Variants in PTPN14 observed in about 807,000 individuals in gnomAD.
PTPN14 encodes protein tyrosine phosphatase non-receptor type 14, also known as tyrosine-protein phosphatase non-receptor type 14.
Under a neutral mutation model 126.8 loss-of-function variants are expected in PTPN14, and 53 were observed. The observed-to-expected ratio is 0.42, with a 90% confidence interval of 0.34 to 0.53. The LOEUF (loss-of-function observed/expected upper bound fraction) is 0.53, where lower values mean the gene tolerates loss of function less well. Among genes scored for constraint, PTPN14 ranks in the 20% least tolerant of loss-of-function variants. The pLI is 0.08. For synonymous variants in PTPN14, 630 were observed against 599.3 expected (o/e 1.05, Z -0.75); for missense variants, 1,257 against 1,552.9 (o/e 0.81, Z 3.20).
intron 1 of PTPN14, among the ~76,000 whole-genome samples, chr1:214,498,732 C>T (rs1654607998): frequency 6.6e-6 from 1 of 152,128 alleles, no homozygotes; most frequent in Admixed American, 6.5e-5. Flanking sequence ...ATTTCCATGG[C>T]AAACAATTTG....
intron 3 of PTPN14, among the ~76,000 whole-genome samples, chr1:214,442,533 A>G (rs1242573520): frequency 6.6e-6 from 1 of 152,202 alleles, no homozygotes; most frequent in Non-Finnish European, 1.5e-5. Flanking sequence ...ACTCCTTTTG[A>G]AATACGAATA....
At chr1:214,429,781 G>A (rs985872954) in intron 3 of PTPN14, among the ~76,000 whole-genome samples, 1 of 152,090 alleles carries the variant, frequency 6.6e-6, no homozygotes, top group African/African-American at 2.4e-5. Flanking sequence ...TTCATGCTAA[G>A]GATCAATATA....
At chr1:214,547,456 T>C (rs576942170) in intron 1 of PTPN14, among the ~76,000 whole-genome samples, 1 of 152,346 alleles carries the variant, frequency 6.6e-6, no homozygotes, top group Admixed American at 6.5e-5. Context: ...CGCTTTGAGG[T>C]TGATACGAAG....
chr1:214,487,751 T>G (rs754659977), intron 1 of PTPN14, among the ~76,000 whole-genome samples: 8 of 152,198 alleles, frequency 5.3e-5, no homozygotes, highest in Non-Finnish European at 1.0e-4. Flanking sequence ...TGTTGAGAGC[T>G]AACATGTTAA....
At position 214,377,444 on chromosome 1, in the gene PTPN14, G is replaced by A. The variant is rs865804401; in HGVS notation, c.2688+515C>T. On this transcript the variant is annotated intron_variant, in intron 14 of 18. Transcript: ENST00000366956. Reference sequence around the variant, plus strand: ...GGGGTACTGGGCTTAATACCTGGGTGATGAAATAATACGTACAACAAACCC... The same window carrying A: ...GGGGTACTGGGCTTAATACCTGGGTAATGAAATAATACGTACAACAAACCC... Among the ~76,000 whole-genome samples the A allele has an allele frequency of 4.6e-5, 7 of 152,148 alleles. No homozygotes were observed. The East Asian group carries it at 9.7e-4, about 21-fold the overall frequency.
At chr1:214,464,058 G>C (rs1170619365) in intron 2 of PTPN14, among the ~76,000 whole-genome samples, 1 of 152,088 alleles carries the variant, frequency 6.6e-6, no homozygotes, top group South Asian at 2.1e-4. Context: ...TCTCACAGAC[G>C]GCGTGAAGGC....
At chr1:214,481,511 C>CAAAAAAAA (rs371949252) in intron 1 of PTPN14, among the ~76,000 whole-genome samples, 8 of 67,442 alleles carry the variant, frequency 1.2e-4, no homozygotes, top group East Asian at 4.2e-4. Context: ...AACTCCCGCT[C>CAAAAAAAA]AAAAAAAAAA....
chr1:214,479,422 C>T (rs1467797314), intron 1 of PTPN14, among the ~76,000 whole-genome samples: 2 of 151,652 alleles, frequency 1.3e-5, no homozygotes, highest in African/African-American at 2.4e-5. Context: ...TCACTGCAAC[C>T]TCTGCCTCCC....
intron 1 of PTPN14, among the ~76,000 whole-genome samples, chr1:214,500,328 C>A (rs376597176): frequency 6.6e-6 from 1 of 152,048 alleles, no homozygotes; most frequent in Non-Finnish European, 1.5e-5. Context: ...AGATCTACCC[C>A]CTTCCCTTCC....
chr1:214,473,080 A>C (rs1660796493), intron 1 of PTPN14, among the ~76,000 whole-genome samples: 1 of 152,238 alleles, frequency 6.6e-6, no homozygotes, highest in African/African-American at 2.4e-5. Flanking sequence ...TAAGCTCTAA[A>C]GTGTAAGTTT....
At chr1:214,359,184 G>A (rs1400438385) in intron 18 of PTPN14, among the ~76,000 whole-genome samples, 1 of 151,746 alleles carries the variant, frequency 6.6e-6, no homozygotes, top group Non-Finnish European at 1.5e-5. Flanking sequence ...GTCCTACTTG[G>A]AGTAAAAGCC....
intron 17 of PTPN14, among the ~76,000 whole-genome samples, chr1:214,366,001 C>G (rs1389821396): frequency 6.6e-6 from 1 of 152,096 alleles, no homozygotes; most frequent in East Asian, 1.9e-4. Context: ...CCTGTCTCTA[C>G]TAAAAATACA....
At chr1:214,393,070 C>A (rs986055586) in intron 10 of PTPN14, among the ~76,000 whole-genome samples, 2 of 152,180 alleles carry the variant, frequency 1.3e-5, no homozygotes, top group African/African-American at 4.8e-5. Flanking sequence ...AGCCCCAGCA[C>A]GCTCCATCTG....
chr1:214,361,095 G>T (rs1177531335), intron 18 of PTPN14, among the ~76,000 whole-genome samples: 1 of 152,148 alleles, frequency 6.6e-6, no homozygotes, highest in East Asian at 1.9e-4. Flanking sequence ...AGAATTATGA[G>T]TCAACTAAAC....
chr1:214,450,940 C>T (rs1189786320), intron 3 of PTPN14, among the ~76,000 whole-genome samples: 4 of 152,156 alleles, frequency 2.6e-5, no homozygotes, highest in Non-Finnish European at 4.4e-5. Context: ...AGCTGCAATA[C>T]CTTGTTCTCC....
intron 1 of PTPN14, among the ~76,000 whole-genome samples, chr1:214,543,824 T>C (rs980320489): frequency 6.6e-6 from 1 of 152,162 alleles, no homozygotes; most frequent in Non-Finnish European, 1.5e-5. Context: ...TATTACTATG[T>C]TGGCCAGGAT....
At chr1:214,526,561 T>C (rs1352067055) in intron 1 of PTPN14, among the ~76,000 whole-genome samples, 2 of 150,922 alleles carry the variant, frequency 1.3e-5, no homozygotes, top group Non-Finnish European at 2.9e-5. Flanking sequence ...GAGAGGTAGC[T>C]CTGGTAGAAA....
At position 214,384,586 on chromosome 1, in the gene PTPN14, G is replaced by T. The variant is rs374772330; in HGVS notation, c.1269C>A (p.Ala423=). The T allele has an allele frequency of 2.5e-5, 40 of 1,614,056 alleles. No homozygotes were observed. The highest frequency in any genetic ancestry group is 3.3e-5 in the Non-Finnish European group (39 of 1,180,012). ...LSIPGSDIMR[A]DYIPSHRHSA... ...TGTGCCGGTGGCTCGGGATGTAGTC[G>T]GCCCGCATGATGTCACTCCCAGGGA... The change falls in exon 13 of 19, where the codon GCC becomes GCA. Residue 423 remains alanine (A), a synonymous_variant. Coordinates refer to ENST00000366956, the MANE Select transcript of PTPN14 (RefSeq NM_005401.5). The surrounding 1 kb of genome is among the most constrained non-coding windows in gnomAD (Gnocchi z 5.3).
chr1:214,462,568 T>C (rs181172119), intron 2 of PTPN14, among the ~76,000 whole-genome samples: 394 of 152,314 alleles, frequency 2.6e-3, no homozygotes, highest in Non-Finnish European at 4.5e-3. Flanking sequence ...GAAGGCTATG[T>C]TCATCTTCCA....
Sources: allele counts gnomAD v4.1 joint callset (sites outside exome capture counted in the v4.1 genomes callset), GRCh38; gene constraint gnomAD v4.1.1; non-coding constraint Gnocchi (gnomAD v3.1); transcripts MANE v1.5; gene names NCBI Gene and HGNC (gene_info 2026-07-23, HGNC 2026-07-21).